MMP16: variants seen among roughly 807,000 people sequenced by gnomAD.
The protein encoded by MMP16 is matrix metallopeptidase 16, also known as matrix metalloproteinase-16.
In MMP16, 12 loss-of-function variants were observed where a neutral mutation model predicts 67.8. The observed-to-expected ratio is 0.18, with a 90% CI of 0.11 to 0.29. MMP16 has a LOEUF of 0.29. Ranked by LOEUF, MMP16 falls within the 10% of genes least tolerant of loss-of-function variation. The probability of loss-of-function intolerance (pLI) is 1.00; values close to 1 mark genes in which losing one functional copy is unlikely to be tolerated. For synonymous variants in MMP16, 249 were observed against 255.9 expected, an observed-to-expected ratio of 0.97 and a Z score of 0.26; for missense variants, 475 against 765.7, an observed-to-expected ratio of 0.62 and a Z score of 4.48.
chr8:88,166,423 A>G (rs1320819605), intron 4 of MMP16, among the ~76,000 whole-genome samples: 6 of 151,854 alleles, frequency 4.0e-5, no homozygotes, highest in Non-Finnish European at 7.4e-5. Context: ...ATTGTTGACT[A>G]GGAAGAAACA....
At chr8:88,204,259 A>G (rs1586203557) in intron 1 of MMP16, among the ~76,000 whole-genome samples, 2 of 152,344 alleles carry the variant, frequency 1.3e-5, no homozygotes, top group East Asian at 3.9e-4. Context: ...ATGGTAATTT[A>G]CCTGCTGAAT....
intron 6 of MMP16, among the ~76,000 whole-genome samples, chr8:88,078,714 A>G (rs1808694667): frequency 6.6e-6 from 1 of 152,158 alleles, no homozygotes; most frequent in Non-Finnish European, 1.5e-5. Context: ...AAACAAAAAA[A>G]CCTAATCAGT....
At chr8:88,051,855 T>C (rs772514136) in intron 8 of MMP16, among the ~76,000 whole-genome samples, 19 of 152,278 alleles carry the variant, frequency 1.2e-4, no homozygotes, top group Non-Finnish European at 2.6e-4. Flanking sequence ...CTTAGAAACA[T>C]AGCATTTTAA....
At chr8:88,131,523 G>A (rs1420028792) in intron 4 of MMP16, among the ~76,000 whole-genome samples, 1 of 151,672 alleles carries the variant, frequency 6.6e-6, no homozygotes, top group Non-Finnish European at 1.5e-5. Context: ...AGATACAAGA[G>A]TCTCCAAGGA....
intron 4 of MMP16, among the ~76,000 whole-genome samples, chr8:88,137,327 C>CTTCT (rs1808137445): frequency 1.3e-5 from 2 of 151,962 alleles, no homozygotes; most frequent in South Asian, 4.1e-4. Context: ...AACCCAAACA[C>CTTCT]TTCTGGTCCC....
At chr8:88,132,590 G>T (rs1808050732) in intron 4 of MMP16, among the ~76,000 whole-genome samples, 2 of 151,858 alleles carry the variant, frequency 1.3e-5, no homozygotes, top group African/African-American at 4.8e-5. Flanking sequence ...TGTTGGCTAT[G>T]ACATGTCATC....
chr8:88,084,568 A>C (rs1433017686), intron 6 of MMP16, among the ~76,000 whole-genome samples: 2 of 152,054 alleles, frequency 1.3e-5, no homozygotes, highest in African/African-American at 2.4e-5. Flanking sequence ...CCCGTATTTA[A>C]AGATGAAATT....
chr8:88,268,052 A>C (rs900008778), intron 1 of MMP16, among the ~76,000 whole-genome samples: 1 of 152,222 alleles, frequency 6.6e-6, no homozygotes, highest in Admixed American at 6.5e-5. Context: ...TTACCATAAA[A>C]AATTCCTAGG....
chr8:88,185,529 C>T (rs1248398413), intron 3 of MMP16, among the ~76,000 whole-genome samples: 2 of 152,166 alleles, frequency 1.3e-5, no homozygotes, highest in Admixed American at 6.5e-5. Context: ...TATATTGAGG[C>T]TTTCATTTTA....
intron 3 of MMP16, among the ~76,000 whole-genome samples, chr8:88,181,031 G>A (rs1808972405): frequency 6.6e-6 from 1 of 152,066 alleles, no homozygotes; most frequent in Admixed American, 6.5e-5. Flanking sequence ...AATAGAGAGA[G>A]ACTTCTATTT....
chr8:88,248,447 A>G (rs1810154463), intron 1 of MMP16, among the ~76,000 whole-genome samples: 1 of 152,140 alleles, frequency 6.6e-6, no homozygotes, highest in African/African-American at 2.4e-5. Flanking sequence ...AGTAAGGAAT[A>G]AAAGGATGGA....
chr8:88,268,386 A>G (rs1185610280), intron 1 of MMP16, among the ~76,000 whole-genome samples: 2 of 152,116 alleles, frequency 1.3e-5, no homozygotes, highest in Non-Finnish European at 2.9e-5. Flanking sequence ...AACAACAAAA[A>G]AATTCATTCA....
chr8:88,294,558 CTA>C (rs1810983049), intron 1 of MMP16, among the ~76,000 whole-genome samples: 1 of 150,886 alleles, frequency 6.6e-6, no homozygotes, highest in African/African-American at 2.4e-5. Context: ...ATATATGTCT[CTA>C]TACACACATA....
chr8:88,237,410 G>A (rs1038552973), intron 1 of MMP16, among the ~76,000 whole-genome samples: 1 of 152,162 alleles, frequency 6.6e-6, no homozygotes, highest in Non-Finnish European at 1.5e-5. Context: ...AGCACTTTGG[G>A]AGGCCGAGGC....
intron 1 of MMP16, among the ~76,000 whole-genome samples, chr8:88,283,250 T>C (rs551050158): frequency 1.3e-5 from 2 of 152,320 alleles, no homozygotes; most frequent in South Asian, 2.1e-4. Context: ...CTCATATTCT[T>C]CATTATTTGG....
Position 88,034,746 on chromosome 8 carries a change from G to C in MMP16, c.*6715C>G, listed in dbSNP as rs915381600. ...CAGGTTCAAATTGGCATTATGTAAC[G>C]GCAAATGAAACATGCATCCTAGTGA... On this transcript the variant is annotated 3_prime_UTR_variant, in exon 10 of 10. Transcript: ENST00000286614. The C allele has an allele frequency of 1.3e-5, 2 of 151,874 alleles. No homozygotes were observed. Among genetic ancestry groups the C allele is most frequent in the African/African-American group, 4.8e-5 (2 of 41,364 alleles). The allele number at this position is 151,874 out of a possible 1,614,324, so 9.4% of individuals were successfully genotyped here.
At chr8:88,136,148 G>A (rs1226881157) in intron 4 of MMP16, among the ~76,000 whole-genome samples, 1 of 151,778 alleles carries the variant, frequency 6.6e-6, no homozygotes, top group Non-Finnish European at 1.5e-5. Flanking sequence ...TAATAAAGTA[G>A]AGGTTAAATA....
chr8:88,273,124 C>T (rs772428825), intron 1 of MMP16, among the ~76,000 whole-genome samples: 11 of 151,776 alleles, frequency 7.2e-5, no homozygotes, highest in South Asian at 4.2e-4. Flanking sequence ...TGCTCTGTCG[C>T]CCAGGCTGGA....
At chr8:88,066,329 A>G (rs1364655253) in intron 7 of MMP16, among the ~76,000 whole-genome samples, 1 of 152,058 alleles carries the variant, frequency 6.6e-6, no homozygotes, top group Non-Finnish European at 1.5e-5. Flanking sequence ...TTTATATGGG[A>G]TATACCTGAG....
Sources: allele counts gnomAD v4.1 joint callset (sites outside exome capture counted in the v4.1 genomes callset), GRCh38; gene constraint gnomAD v4.1.1; transcripts MANE v1.5; gene names NCBI Gene and HGNC (gene_info 2026-07-23, HGNC 2026-07-21).